DPCD: variants seen among roughly 807,000 people sequenced by gnomAD.
DPCD encodes protein DPCD.
Under a neutral mutation model 26.4 loss-of-function variants are expected in DPCD, and 20 were observed. The observed-to-expected ratio is 0.76, with a 90% CI of 0.53 to 1.10. The LOEUF is 1.10. Among genes scored for constraint, DPCD ranks in the 50% least tolerant of loss-of-function variants. The pLI is 0.00. For missense variants in DPCD, 202 were observed against 253.9 expected, an observed-to-expected ratio of 0.80 and a Z score of 1.39; for synonymous variants, 97 against 94.2, an observed-to-expected ratio of 1.03 and a Z score of -0.17.
chr10:101,590,582 C>CTTT (rs763711189), intron 1 of DPCD, among the ~76,000 whole-genome samples: 8 of 121,564 alleles, frequency 6.6e-5, no homozygotes, highest in Admixed American at 2.5e-4. Context: ...AACGGAAATT[C>CTTT]TTTTTTTTTT....
At chr10:101,589,466 G>A (rs1475385467) in intron 1 of DPCD, among the ~76,000 whole-genome samples, 1 of 152,238 alleles carries the variant, frequency 6.6e-6, no homozygotes, top group Non-Finnish European at 1.5e-5. Flanking sequence ...AATAAGGTCA[G>A]GCACAGTGGC....
At chr10:101,602,779 T>C (rs549867239) in intron 4 of DPCD, among the ~76,000 whole-genome samples, 1 of 152,368 alleles carries the variant, frequency 6.6e-6, no homozygotes, top group South Asian at 2.1e-4. Flanking sequence ...CACTTGAATC[T>C]GCAGCCCAGC....
In DPCD at chr10:101,601,356, C is replaced by T. The variant is rs1245632962; in HGVS notation, c.404+20C>T. 3 of 1,612,836 alleles carry T rather than the reference C, an allele frequency of 1.9e-6. No individual in the cohort carries two copies. Among genetic ancestry groups the T allele is most frequent in the Non-Finnish European group, 2.5e-6 (3 of 1,179,400 alleles). On this transcript the variant is annotated intron_variant, in intron 4 of 5. Coordinates refer to ENST00000370151, the MANE Select transcript of DPCD (RefSeq NM_015448.3). ...CAAGAAGTGAGTAGCGTGGAAGGCA[C>T]CCTGTGTGCTTGTGTATGAGCGGGG...
chr10:101,594,822 AG>A, intron 2 of DPCD, 84 bp downstream of exon 2: 2 of 1,302,616 alleles, frequency 1.5e-6, no homozygotes, highest in Non-Finnish European at 2.2e-6. Flanking sequence ...CTTAGGCTTG[AG>A]GTAGGAGCCC....
chr10:101,600,709 C>G lies in DPCD; in HGVS notation c.146-29C>G. 6.3e-7 allele frequency: 1 copy of G among 1,583,926 alleles called. No homozygotes were observed. Among genetic ancestry groups the G allele is most frequent in the Non-Finnish European group, 8.6e-7 (1 of 1,161,498 alleles). ...TTCACTCTCATCCTGATGCTTGCTTCTCATCCCGATGCTTGCTTCTCTCCC... is the reference window on the plus strand; with the variant it reads ...TTCACTCTCATCCTGATGCTTGCTTGTCATCCCGATGCTTGCTTCTCTCCC... On this transcript the variant is annotated intron_variant, in intron 2 of 5. Transcript: ENST00000370151. This position sits in a 1 kb window ranked among gnomAD's most constrained non-coding sequence, Gnocchi z 4.7.
intron 4 of DPCD, among the ~76,000 whole-genome samples, chr10:101,602,757 T>C (rs2063706765): frequency 6.6e-6 from 1 of 152,218 alleles, no homozygotes; most frequent in Admixed American, 6.5e-5. Context: ...GGAACAAAAG[T>C]GCTTCTGATA....
chr10:101,590,078 AAAAG>A (rs1365194715), intron 1 of DPCD, among the ~76,000 whole-genome samples: 7 of 151,964 alleles, frequency 4.6e-5, no homozygotes, highest in African/African-American at 1.7e-4. Context: ...AAAAAAAAAA[AAAAG>A]AATTAATAGG....
chr10:101,604,767 G>T (rs1422587328), intron 4 of DPCD, among the ~76,000 whole-genome samples: 1 of 152,170 alleles, frequency 6.6e-6, no homozygotes, highest in Non-Finnish European at 1.5e-5. Flanking sequence ...ATCTATCAGA[G>T]AAGACTCACA....
intron 1 of DPCD, among the ~76,000 whole-genome samples, chr10:101,594,038 C>T (rs1373397930): frequency 6.6e-6 from 1 of 151,980 alleles, no homozygotes; most frequent in Admixed American, 6.6e-5. Context: ...AAATTAAGTG[C>T]CATGAAGAAA....
chr10:101,606,288 A>G (rs2063732420), intron 4 of DPCD, among the ~76,000 whole-genome samples: 1 of 152,106 alleles, frequency 6.6e-6, no homozygotes, highest in Non-Finnish European at 1.5e-5. Flanking sequence ...CAGCCTCCCA[A>G]GTAGCTAGGA....
Position 101,608,900 on chromosome 10 carries a change from T to C in DPCD, c.470T>C (p.Leu157Pro), listed in dbSNP as rs201500851. Reference protein sequence around the residue: ...RHQLPLDDALLSFAHANCTLI... With the variant: ...RHQLPLDDALPSFAHANCTLI... ...CAGCTACCTCTGGATGACGCCTTGC[T>C]GAGCTTTGCCCACGCCAACTGCACC... is the stretch of plus-strand genomic sequence containing the variant. The change falls in exon 5 of 6, where the codon CTG becomes CCG. Residue 157 changes from leucine (L) to proline (P), a missense_variant. Physicochemically the swap from Leu to Pro is moderately conservative, Grantham distance 98 (BLOSUM62 -3). This residue lies in a region of DPCD where 118 missense variants were observed against 145.1 expected (regional missense o/e 0.81). Coordinates refer to ENST00000370151, the MANE Select transcript of DPCD (RefSeq NM_015448.3). 6.2e-7 allele frequency: 1 copy of C among 1,613,528 alleles called. No homozygotes were observed. The highest frequency in any genetic ancestry group is 2.2e-5 in the East Asian group (1 of 44,868).
At position 101,609,353 on chromosome 10, in the gene DPCD, G is replaced by C; in HGVS notation, c.508-14G>C. The C allele has an allele frequency of 6.2e-7, 1 of 1,613,386 alleles. No homozygotes were observed. Among genetic ancestry groups the C allele is most frequent in the East Asian group, 2.2e-5 (1 of 44,878 alleles). The stretch of plus-strand genomic sequence containing the variant: ...GTGACTGAATTATTTTCTTATTCCT[G>C]GCTGCATCCACAGTACCAGAAGCCA... On this transcript the variant is annotated splice_polypyrimidine_tract_variant and intron_variant, in intron 5 of 5. Coordinates refer to ENST00000370151, the MANE Select transcript of DPCD (RefSeq NM_015448.3).
At chr10:101,590,196 AC>A (rs1231424145) in intron 1 of DPCD, among the ~76,000 whole-genome samples, 2 of 152,256 alleles carry the variant, frequency 1.3e-5, no homozygotes, top group African/African-American at 4.8e-5. Context: ...TAGAGGAATA[AC>A]AAAATGTTTA....
intron 2 of DPCD, among the ~76,000 whole-genome samples, chr10:101,599,166 G>A (rs1301073769): frequency 2.0e-5 from 3 of 152,184 alleles, no homozygotes; most frequent in Admixed American, 6.5e-5. Flanking sequence ...TAGTCTGAGC[G>A]AGAATCTGAG....
At chr10:101,595,247 AT>A (rs932673183) in intron 2 of DPCD, among the ~76,000 whole-genome samples, 6 of 152,154 alleles carry the variant, frequency 3.9e-5, no homozygotes, top group Admixed American at 1.3e-4. Context: ...CAAAACAGTG[AT>A]TTTGCAGCGT....
chr10:101,604,200 T>G (rs1160243407), intron 4 of DPCD, among the ~76,000 whole-genome samples: 1 of 152,232 alleles, frequency 6.6e-6, no homozygotes, highest in Admixed American at 6.5e-5. Flanking sequence ...TGTCAGGAGG[T>G]GGACAGGATC....
In DPCD at chr10:101,608,884, C is replaced by G. The variant is rs2063751994; in HGVS notation, c.454C>G (p.Leu152Val). 1 of 1,613,874 alleles carries G rather than the reference C, an allele frequency of 6.2e-7. No homozygotes were observed. Among genetic ancestry groups the G allele is most frequent in the Non-Finnish European group, 8.5e-7 (1 of 1,179,930 alleles). Residue 152 changes from leucine (L) to valine (V), a missense_variant, in exon 5 of 6, where the codon CTG (leucine) becomes GTG (valine). Leu to Val is a conservative substitution (Grantham distance 32). Transcript: ENST00000370151. ...IPDLDRHQLPLDDALLSFAHA... is the reference protein window; with the variant it reads ...IPDLDRHQLPVDDALLSFAHA... ...TGATCTAGATAGACACCAGCTACCTCTGGATGACGCCTTGCTGAGCTTTGC... is the reference window on the plus strand; with the variant it reads ...TGATCTAGATAGACACCAGCTACCTGTGGATGACGCCTTGCTGAGCTTTGC...
At position 101,608,923 on chromosome 10, in the gene DPCD, A is replaced by T; in HGVS notation, c.493A>T (p.Thr165Ser). 6.2e-7 allele frequency: 1 copy of T among 1,612,898 alleles called. No homozygotes were observed. The highest frequency in any genetic ancestry group is 2.2e-5 in the East Asian group (1 of 44,844). Residue 165 changes from threonine (T) to serine (S), a missense_variant, in exon 5 of 6, where the codon ACC becomes TCC. Physicochemically the swap from Thr to Ser is moderately conservative, Grantham distance 58. Coordinates refer to ENST00000370151, the MANE Select transcript of DPCD (RefSeq NM_015448.3). ...GCTGAGCTTTGCCCACGCCAACTGC[A>T]CCCTGATCATCTCTGTAAGATTCAC... ...ALLSFAHANC[T>S]LIISYQKPKE...
intron 2 of DPCD, chr10:101,596,459 A>AATTAT: frequency 1.3e-5 from 2 of 152,344 alleles, no homozygotes; most frequent in South Asian, 4.1e-4. Context: ...TTATGTAGCT[A>AATTAT]GTTTCTAAGC....
Sources: gnomAD v4.1 joint callset for allele counts (sites outside exome capture counted in the v4.1 genomes callset) on GRCh38, gnomAD v4.1.1 for gene constraint, gnomAD v4.1.1 regional missense constraint, Gnocchi (gnomAD v3.1) non-coding constraint, MANE v1.5 for transcripts, NCBI Gene and HGNC (gene_info 2026-07-23, HGNC 2026-07-21) for gene names.